The following BCL11A variants were observed in gnomAD, a reference collection of about 807,000 sequenced individuals.
BCL11A encodes BCL11 transcription factor A, also known as B cell CLL/lymphoma 11A.
In BCL11A, 2 loss-of-function variants were observed where a neutral mutation model predicts 55.9. The observed-to-expected ratio is 0.04, with a 90% CI of 0.01 to 0.11. The LOEUF (loss-of-function observed/expected upper bound fraction) is 0.11. BCL11A is among the 10% of genes least tolerant of loss of function. The pLI is 1.00. For missense variants in BCL11A, 817 were observed against 1,137.1 expected, an observed-to-expected ratio of 0.72 and a Z score of 4.05; for synonymous variants, 465 against 473.4, an observed-to-expected ratio of 0.98 and a Z score of 0.23.
intron 2 of BCL11A, among the ~76,000 whole-genome samples, chr2:60,490,284 C>A (rs1303600142): frequency 6.6e-6 from 1 of 152,180 alleles, no homozygotes; most frequent in Non-Finnish European, 1.5e-5. Context: ...CACTTAACAT[C>A]CCCTAGCATG....
intron 2 of BCL11A, among the ~76,000 whole-genome samples, chr2:60,512,540 T>G (rs2104493265): frequency 6.6e-6 from 1 of 152,314 alleles, no homozygotes; most frequent in South Asian, 2.1e-4. Flanking sequence ...ATCACAATGC[T>G]CTGCAGAGAG....
rs1676307415 is a variant in BCL11A at position 60,461,772 on chromosome 2, C to T, written c.1140G>A (p.Glu380=). The T allele has an allele frequency of 4.3e-6, 7 of 1,613,536 alleles. No individual in the cohort carries two copies. Among genetic ancestry groups the T allele is most frequent in the Non-Finnish European group, 5.1e-6 (6 of 1,179,986 alleles). ...SQPPVKSKSC[E]FCGKTFKFQS... is the part of the protein sequence containing the mutation. ...GAAATTTGAACGTCTTGCCGCAGAA[C>T]TCGCATGACTTGGACTTGACCGGGG... The change falls in exon 4 of 4, where the codon GAG becomes GAA. Residue 380 remains glutamate (E), a synonymous_variant. Transcript: ENST00000642384.
intron 2 of BCL11A, among the ~76,000 whole-genome samples, chr2:60,540,939 A>G (rs1669892469): frequency 7.9e-6 from 1 of 126,076 alleles, no homozygotes; most frequent in African/African-American, 2.9e-5. Context: ...AAATTACAGC[A>G]CTGGTTTTGT....
chr2:60,528,168 T>A (rs1669291483), intron 2 of BCL11A: 1 of 152,524 alleles, frequency 6.6e-6, no homozygotes, highest in Non-Finnish European at 1.5e-5. Flanking sequence ...TCACTCACAC[T>A]CAGTCTCTCC....
In BCL11A at chr2:60,458,481, C is replaced by A. The variant is rs1391927234; in HGVS notation, c.*1923G>T. 7 of 1,030,222 alleles carry A rather than the reference C, an allele frequency of 6.8e-6. No homozygotes were observed. The highest frequency in any genetic ancestry group is 8.2e-6 in the Non-Finnish European group (7 of 856,330). The allele number at this position is 1,030,222 out of a possible 1,614,324, so 63.8% of individuals were successfully genotyped here. A position where few individuals can be genotyped will look rare whatever the true frequency, so the allele number is the denominator to read the frequency against. ...AAAGTTTTGTACAAAAAAATCCTTG[C>A]ACTGTAGAAGCGAAAGCAATCATTC... is the stretch of plus-strand genomic sequence containing the variant. On this transcript the variant is annotated 3_prime_UTR_variant, in exon 4 of 4. Transcript: ENST00000642384.
intron 2 of BCL11A, among the ~76,000 whole-genome samples, chr2:60,487,467 G>A (rs182993370): frequency 9.9e-5 from 15 of 152,248 alleles, no homozygotes; most frequent in African/African-American, 3.6e-4. Context: ...CTTCCCTTGG[G>A]ATCCTTCTGG....
intron 2 of BCL11A, chr2:60,545,672 C>T (rs780851801): frequency 8.7e-5 from 31 of 358,226 alleles, no homozygotes; most frequent in Non-Finnish European, 1.3e-4. Context: ...CTCAATACTT[C>T]AAAATGAGAA....
chr2:60,517,335 A>G (rs1313859377), intron 2 of BCL11A, among the ~76,000 whole-genome samples: 2 of 152,208 alleles, frequency 1.3e-5, no homozygotes, highest in African/African-American at 2.4e-5. Flanking sequence ...GAAGGGCCAC[A>G]CTTTGGGAGC....
At chr2:60,470,570 T>C (rs778171617) in intron 2 of BCL11A, among the ~76,000 whole-genome samples, 4 of 152,196 alleles carry the variant, frequency 2.6e-5, no homozygotes, top group Non-Finnish European at 4.4e-5. Flanking sequence ...TCAAATTCTC[T>C]GCCACTTACT....
chr2:60,485,648 T>C (rs955191828), intron 2 of BCL11A, among the ~76,000 whole-genome samples: 2 of 152,244 alleles, frequency 1.3e-5, no homozygotes, highest in Non-Finnish European at 2.9e-5. Context: ...TGGGAAGCTG[T>C]CCCAGCAACC....
chr2:60,459,503 A>T lies in BCL11A; in HGVS notation c.*901T>A. The T allele has an allele frequency of 9.8e-7, 1 of 1,022,182 alleles. No homozygotes were observed. The highest frequency in any genetic ancestry group is 1.2e-6 in the Non-Finnish European group (1 of 851,374). 63.3% of individuals were successfully genotyped at this position (1,022,182 alleles called of 1,614,324 possible). A position where few individuals can be genotyped will look rare whatever the true frequency, so the allele number is the denominator to read the frequency against. On this transcript the variant is annotated 3_prime_UTR_variant, in exon 4 of 4. Transcript: ENST00000642384. The stretch of plus-strand genomic sequence containing the variant: ...TTTATAAAATTAAACTAAAGGAAAA[A>T]TGATGATTAACTAGGACATAATGGG...
At chr2:60,507,984 T>C (rs1481060206) in intron 2 of BCL11A, among the ~76,000 whole-genome samples, 2 of 152,162 alleles carry the variant, frequency 1.3e-5, no homozygotes, top group African/African-American at 4.8e-5. Context: ...TAAAATCATA[T>C]GGTCTTCGGT....
At chr2:60,541,321 A>G (rs1669917609) in intron 2 of BCL11A, among the ~76,000 whole-genome samples, 3 of 152,144 alleles carry the variant, frequency 2.0e-5, no homozygotes, top group Admixed American at 2.0e-4. Flanking sequence ...GATCTTCTAC[A>G]TTTTAGATAT....
intron 3 of BCL11A, among the ~76,000 whole-genome samples, chr2:60,466,427 G>A (rs573124701): frequency 3.6e-4 from 55 of 152,214 alleles, no homozygotes; most frequent in Admixed American, 9.1e-4. Context: ...ACTAGAAACC[G>A]TGAGCCCAAC....
rs890390902 is a variant in BCL11A at position 60,460,119 on chromosome 2, A to G, written c.*285T>C. The G allele has an allele frequency of 1.7e-6, 2 of 1,144,780 alleles. No homozygotes were observed. Among genetic ancestry groups the G allele is most frequent in the Non-Finnish European group, 2.1e-6 (2 of 932,618 alleles). 70.9% of individuals were successfully genotyped at this position (1,144,780 alleles called of 1,614,324 possible). ...AGGCTCAAAGTTTGCGTAAAATGCAATAGTATTGCCCCATACAGATCATGC... is the reference window on the plus strand; with the variant it reads ...AGGCTCAAAGTTTGCGTAAAATGCAGTAGTATTGCCCCATACAGATCATGC... On this transcript the variant is annotated 3_prime_UTR_variant, in exon 4 of 4. Coordinates refer to ENST00000642384, the MANE Select transcript of BCL11A (RefSeq NM_022893.4).
rs1386454417 is a variant in BCL11A at position 60,459,969 on chromosome 2, T to G, written c.*435A>C. The G allele has an allele frequency of 3.8e-6, 4 of 1,066,392 alleles. No individual in the cohort carries two copies. Among genetic ancestry groups the G allele is most frequent in the Admixed American group, 5.2e-5 (1 of 19,104 alleles). The allele number at this position is 1,066,392 out of a possible 1,614,324, so 66.1% of individuals were successfully genotyped here. On this transcript the variant is annotated 3_prime_UTR_variant, in exon 4 of 4. Coordinates refer to ENST00000642384, the MANE Select transcript of BCL11A (RefSeq NM_022893.4). ...CTCTCTTTTTCTCTCAGAACGGAACTGGAAACAGCAACATGTTTGCTCAGC... is the reference window on the plus strand; with the variant it reads ...CTCTCTTTTTCTCTCAGAACGGAACGGGAAACAGCAACATGTTTGCTCAGC...
At position 60,551,601 on chromosome 2, in the gene BCL11A, C is replaced by CT. The variant is rs1308957151; in HGVS notation, c.55+1614dup. On this transcript the variant is annotated intron_variant, in intron 1 of 3. Coordinates refer to ENST00000642384, the MANE Select transcript of BCL11A (RefSeq NM_022893.4). ...GAGGGGAGGGGAGGCGCAGAACGCGCTTTTACAGTTGCCCTGCAAAATAAA... is the reference window on the plus strand; with the variant it reads ...GAGGGGAGGGGAGGCGCAGAACGCGCTTTTTACAGTTGCCCTGCAAAATAAA... Among the ~76,000 whole-genome samples the CT allele has an allele frequency of 5.2e-5, 8 of 152,384 alleles. No individual in the cohort carries two copies. The East Asian group carries it at 1.5e-3, about 29-fold the overall frequency.
intron 2 of BCL11A, chr2:60,538,116 G>C (rs549562660): frequency 5.9e-5 from 9 of 152,326 alleles, no homozygotes; most frequent in African/African-American, 2.2e-4. Context: ...GCCCTATCTG[G>C]AAAAGGGTGT....
chr2:60,551,255 G>A (rs1319294187), intron 1 of BCL11A, among the ~76,000 whole-genome samples: 1 of 152,234 alleles, frequency 6.6e-6, no homozygotes, highest in African/African-American at 2.4e-5. Flanking sequence ...TCCAGGCGCA[G>A]TCAGCGGGAG....
Sources: gnomAD v4.1 joint callset for allele counts (sites outside exome capture counted in the v4.1 genomes callset) on GRCh38, gnomAD v4.1.1 for gene constraint, MANE v1.5 for transcripts, NCBI Gene and HGNC (gene_info 2026-07-23, HGNC 2026-07-21) for gene names.